Variants in DCAF6 observed in about 807,000 individuals in gnomAD.
DCAF6 encodes the protein DDB1 and CUL4 associated factor 6.
DCAF6 carries 54 observed loss-of-function variants against 125.1 expected under a neutral mutation model. The ratio of observed to expected loss-of-function variants is 0.43; its 90% CI spans 0.35 to 0.54. DCAF6 has a LOEUF of 0.54. DCAF6 is among the 20% of genes least tolerant of loss of function. The pLI, the probability that DCAF6 is intolerant of heterozygous loss-of-function variation, is 0.01. For synonymous variants in DCAF6, 371 were observed against 390.4 expected, an observed-to-expected ratio of 0.95 and a Z score of 0.58; for missense variants, 934 against 1,161.7, an observed-to-expected ratio of 0.80 and a Z score of 2.85.
chr1:167,925,478 T>TATAC, the DCAF6 span, among the ~76,000 whole-genome samples: 1,779 of 122,194 alleles, frequency 0.015, 12 homozygotes, highest in African/African-American at 0.024. Context: ...TATATATACA[T>TATAC]ATACATATAC....
At chr1:167,983,718 G>A (rs1292071520) in intron 4 of DCAF6, among the ~76,000 whole-genome samples, 1 of 152,158 alleles carries the variant, frequency 6.6e-6, no homozygotes, top group African/African-American at 2.4e-5. Context: ...TACTATTAAT[G>A]TCTAATTCTT....
chr1:168,031,182 A>G (rs1233878761), intron 12 of DCAF6, among the ~76,000 whole-genome samples: 1 of 151,938 alleles, frequency 6.6e-6, no homozygotes, highest in South Asian at 2.1e-4. Context: ...AACTAGGATG[A>G]AAGTAGAAAG....
intron 12 of DCAF6, among the ~76,000 whole-genome samples, chr1:168,024,772 C>T (rs1168897186): frequency 6.6e-6 from 1 of 150,442 alleles, no homozygotes. Context: ...CCATTGCACT[C>T]CAGCCTGGGC....
chr1:167,958,881 A>G (rs1362039998), intron 2 of DCAF6, among the ~76,000 whole-genome samples: 1 of 152,230 alleles, frequency 6.6e-6, no homozygotes, highest in Non-Finnish European at 1.5e-5. Context: ...ACATTAATAC[A>G]TCATAATCCA....
At chr1:167,875,184 A>G in the DCAF6 span, 1 of 1,614,136 alleles carries the variant, frequency 6.2e-7, no homozygotes, top group African/African-American at 1.3e-5. Flanking sequence ...CATACCAAAC[A>G]TGCTGAAGAG....
the DCAF6 span, among the ~76,000 whole-genome samples, chr1:167,890,392 T>A: frequency 6.6e-6 from 1 of 152,310 alleles, no homozygotes; most frequent in South Asian, 2.1e-4. Flanking sequence ...CTTCCCTTAC[T>A]TTCTCCCAAA....
intron 17 of DCAF6, chr1:168,056,089 G>A (rs573176183): frequency 6.3e-6 from 10 of 1,595,390 alleles, no homozygotes; most frequent in Middle Eastern, 1.7e-4. Flanking sequence ...GGAGAATAGA[G>A]TTCACTAGCA....
At chr1:168,020,098 T>C (rs1408665168) in intron 11 of DCAF6, 1 of 152,222 alleles carries the variant, frequency 6.6e-6, no homozygotes, top group African/African-American at 2.4e-5. Context: ...TTCAATACCA[T>C]ATGTCTGAAA....
At chr1:167,871,163 C>T in the DCAF6 span, among the ~76,000 whole-genome samples, 66 of 151,630 alleles carry the variant, frequency 4.4e-4, no homozygotes, top group African/African-American at 1.6e-3. Context: ...AGTTAGTTTT[C>T]CTACATTAAA....
the DCAF6 span, chr1:167,901,777 C>T: frequency 3.7e-6 from 6 of 1,614,174 alleles, no homozygotes; most frequent in Non-Finnish European, 5.1e-6. Context: ...GCTTTCGCTC[C>T]ACCCTCCACA....
the DCAF6 span, among the ~76,000 whole-genome samples, chr1:167,891,049 C>A: frequency 1.3e-5 from 2 of 152,058 alleles, no homozygotes; most frequent in Non-Finnish European, 2.9e-5. Context: ...GCAACCTCCG[C>A]CTCCTGGGTT....
intron 12 of DCAF6, among the ~76,000 whole-genome samples, chr1:168,035,610 T>C (rs951986967): frequency 2.0e-5 from 3 of 152,234 alleles, no homozygotes; most frequent in African/African-American, 7.2e-5. Context: ...CATGTTATTT[T>C]TATAGTAATA....
At chr1:167,940,548 C>A (rs1281826896) in intron 1 of DCAF6, among the ~76,000 whole-genome samples, 1 of 151,576 alleles carries the variant, frequency 6.6e-6, no homozygotes, top group Non-Finnish European at 1.5e-5. Context: ...GTCAGAGATA[C>A]CTGTAGGTTT....
intron 1 of DCAF6, among the ~76,000 whole-genome samples, chr1:167,937,408 A>G (rs1364319363): frequency 1.3e-5 from 2 of 151,536 alleles, no homozygotes; most frequent in African/African-American, 4.9e-5. Flanking sequence ...GTTGTTGCCC[A>G]CCCTCTCCTT....
At chr1:167,920,087 A>G in the DCAF6 span, 1 of 1,594,848 alleles carries the variant, frequency 6.3e-7, no homozygotes. Flanking sequence ...TGACCAAATA[A>G]ACCCTGTTGA....
the DCAF6 span, among the ~76,000 whole-genome samples, chr1:167,923,718 C>T: frequency 6.6e-6 from 1 of 150,804 alleles, no homozygotes; most frequent in Non-Finnish European, 1.5e-5. Flanking sequence ...AAAAAGCCTA[C>T]AGACCAGTGG....
chr1:168,014,050 G>A (rs953446581), intron 10 of DCAF6, among the ~76,000 whole-genome samples: 3 of 151,954 alleles, frequency 2.0e-5, no homozygotes, highest in African/African-American at 7.3e-5. Flanking sequence ...GCCTTCCCTT[G>A]ATTCTTTATA....
At chr1:168,023,129 G>A (rs933034102) in intron 12 of DCAF6, 82 bp downstream of exon 12, 13 of 1,351,512 alleles carry the variant, frequency 9.6e-6, no homozygotes, top group East Asian at 4.7e-5. Flanking sequence ...CACACCTTTC[G>A]TAGCATTTCA....
chr1:167,954,098 C>T (rs1360323932), intron 2 of DCAF6, among the ~76,000 whole-genome samples: 1 of 152,062 alleles, frequency 6.6e-6, no homozygotes, highest in African/African-American at 2.4e-5. Context: ...CCTCCACCTC[C>T]TGGGTTCAAG....
Sources: allele counts gnomAD v4.1 joint callset (sites outside exome capture counted in the v4.1 genomes callset), GRCh38; gene constraint gnomAD v4.1.1; transcripts MANE v1.5; gene names NCBI Gene and HGNC (gene_info 2026-07-23, HGNC 2026-07-21).